CDH26: variants seen among roughly 807,000 people sequenced by gnomAD.
The protein encoded by CDH26 is cadherin 26, also known as cadherin-like protein 26.
A neutral mutation model predicts 90.3 loss-of-function variants in CDH26; 83 were observed. The observed-to-expected ratio is 0.92, with a 90% confidence interval of 0.77 to 1.10. The LOEUF (loss-of-function observed/expected upper bound fraction) is 1.10. Among genes scored for constraint, CDH26 ranks in the 50% least tolerant of loss-of-function variants. The pLI is 0.00. For missense variants in CDH26, 1,013 were observed against 1,037.6 expected, an observed-to-expected ratio of 0.98 and a Z score of 0.33; for synonymous variants, 397 against 396.3, an observed-to-expected ratio of 1.00 and a Z score of -0.02.
chr20:59,967,880 C>CTCTCTCTCTCTCTCTCT (rs1195650307), intron 1 of CDH26, among the ~76,000 whole-genome samples: 1 of 74,972 alleles, frequency 1.3e-5, no homozygotes, highest in African/African-American at 8.6e-5. Context: ...TTTCTTTCTT[C>CTCTCTCTCTCTCTCTCT]CTTCCTTCCT....
Position 59,984,781 on chromosome 20 carries a change from A to T in CDH26, c.684A>T (p.Arg228=). The T allele has an allele frequency of 6.2e-7, 1 of 1,610,888 alleles. No individual in the cohort carries two copies. Among genetic ancestry groups the T allele is most frequent in the South Asian group, 1.1e-5 (1 of 90,046 alleles). Residue 228 remains arginine, a synonymous_variant, in exon 6 of 18, where the codon CGA becomes CGT. Transcript: ENST00000348616. ...TTGATCGCCTTAGTGGAGAAATACG[A>T]CTCTCTGGCTGCTTAGATTATGAGG... ...FRVDRLSGEI[R]LSGCLDYETA...
chr20:59,983,046 A>G lies in CDH26; in HGVS notation c.517A>G (p.Thr173Ala). The stretch of plus-strand genomic sequence containing the variant: ...GTTTCCAGAGAAGGAATTTAACATC[A>G]CTGTGCAAGAAAACCAATCTGCAGG... ...PQFPEKEFNI[T>A]VQENQSAGQP... is the part of the protein sequence containing the mutation. Residue 173 changes from threonine (T) to alanine (A), a missense_variant, in exon 5 of 18, where the codon ACT (threonine) becomes GCT (alanine). Physicochemically the swap from Thr to Ala is moderately conservative, Grantham distance 58. Coordinates refer to ENST00000348616, the MANE Select transcript of CDH26 (RefSeq NM_177980.4). 6.2e-7 allele frequency: 1 copy of G among 1,614,030 alleles called. No homozygotes were observed. Among genetic ancestry groups the G allele is most frequent in the South Asian group, 1.1e-5 (1 of 91,054 alleles).
intron 10 of CDH26, among the ~76,000 whole-genome samples, chr20:59,993,466 T>A (rs1448539910): frequency 6.6e-6 from 1 of 152,200 alleles, no homozygotes; most frequent in East Asian, 1.9e-4. Context: ...ACTCATGCCT[T>A]TGTGTATCCA....
rs578030495 is a variant in CDH26 at position 59,984,762 on chromosome 20, G to A, written c.665G>A (p.Arg222His). ...AAAGAAAGTGGTTTCCGGGTTGATC[G>A]CCTTAGTGGAGAAATACGACTCTCT... ...LLKESGFRVDRLSGEIRLSGC... is the reference protein window; with the variant it reads ...LLKESGFRVDHLSGEIRLSGC... Residue 222 changes from arginine to histidine, a missense_variant, in exon 6 of 18, where the codon CGC (arginine) becomes CAC (histidine). Transcript: ENST00000348616. 18 of 1,613,170 alleles carry A rather than the reference G, an allele frequency of 1.1e-5. No individual in the cohort carries two copies. Among genetic ancestry groups the A allele is most frequent in the East Asian group, 6.7e-5 (3 of 44,868 alleles).
chr20:59,984,559 T>A, intron 5 of CDH26, 80 bp from the exon 6 acceptor site: 1 of 1,197,862 alleles, frequency 8.3e-7, no homozygotes, highest in South Asian at 1.4e-5. Context: ...CCCAATGCCA[T>A]TTAGCAAATA....
At chr20:59,967,842 T>TTTCG (rs2061174137) in intron 1 of CDH26, among the ~76,000 whole-genome samples, 2 of 96,808 alleles carry the variant, frequency 2.1e-5, no homozygotes, top group Admixed American at 2.1e-4. Context: ...TCTTTCTTTC[T>TTTCG]TTCTTTCTTT....
intron 4 of CDH26, among the ~76,000 whole-genome samples, chr20:59,982,217 T>C (rs2061402950): frequency 6.6e-6 from 1 of 152,224 alleles, no homozygotes; most frequent in African/African-American, 2.4e-5. Context: ...GAATCGCTTT[T>C]GGTTACATGC....
Position 59,974,795 on chromosome 20 carries a change from C to T in CDH26, c.393+2672C>T, listed in dbSNP as rs774052385. Among the ~76,000 whole-genome samples, 7 of 152,306 alleles carry T rather than the reference C, an allele frequency of 4.6e-5. 1 individual carries two copies. The South Asian group carries it at 1.5e-3, about 32-fold the overall frequency. ...TGAGGCATGCCCCAACCTTGCCTGT[C>T]ACTCTCCGTCTCATTACCCTGTTTT... On this transcript the variant is annotated intron_variant, in intron 4 of 17. Coordinates refer to ENST00000348616, the MANE Select transcript of CDH26 (RefSeq NM_177980.4).
intron 12 of CDH26, 78 bp from the exon 13 acceptor site, chr20:59,996,553 G>A: frequency 6.2e-7 from 1 of 1,614,180 alleles, no homozygotes. Flanking sequence ...AGTTATACAT[G>A]AACAGAACAA....
chr20:60,031,053 A>G (rs1369301107), intron 7 of CDH26, among the ~76,000 whole-genome samples: 6 of 152,326 alleles, frequency 3.9e-5, no homozygotes, highest in Non-Finnish European at 7.3e-5. Context: ...TGATATGCTA[A>G]ACAAGGGGTG....
At chr20:60,023,554 A>C (rs1472726537) in intron 7 of CDH26, among the ~76,000 whole-genome samples, 3 of 151,838 alleles carry the variant, frequency 2.0e-5, no homozygotes, top group African/African-American at 7.3e-5. Flanking sequence ...TGGCAGGAGA[A>C]ATTTATAATG....
In CDH26 at chr20:59,958,757, C is replaced by T. The variant is rs1382219430; in HGVS notation, c.31C>T (p.Leu11=). Residue 11 remains leucine, a synonymous_variant, in exon 1 of 18, where the codon CTG becomes TTG. Transcript: ENST00000348616. ...CATGAGATCCGGGAGGCACCCCTCG[C>T]TGCTGCTGCTTCTAGTGCTGCTGCT... MAMRSGRHPS[L]LLLLVLLLWL... The T allele has an allele frequency of 9.9e-6, 16 of 1,614,118 alleles. No homozygotes were observed. The highest frequency in any genetic ancestry group is 4.4e-5 in the South Asian group (4 of 91,084).
At chr20:60,032,720 T>C (rs1398650964) in intron 8 of CDH26, among the ~76,000 whole-genome samples, 4 of 151,618 alleles carry the variant, frequency 2.6e-5, no homozygotes, top group Non-Finnish European at 5.9e-5. Flanking sequence ...AAATTGGAAA[T>C]CATCATTCTC....
At chr20:60,024,983 G>A (rs994393899) in intron 7 of CDH26, among the ~76,000 whole-genome samples, 25 of 152,174 alleles carry the variant, frequency 1.6e-4, no homozygotes, top group Non-Finnish European at 1.3e-4. Context: ...CCCTCTCCCT[G>A]CAGGCTGGCT....
Position 59,958,631 on chromosome 20 carries a change from G to T in CDH26, c.-96G>T. The T allele has an allele frequency of 8.7e-7, 1 of 1,151,610 alleles. No individual in the cohort carries two copies. The highest frequency in any genetic ancestry group is 1.3e-6 in the Non-Finnish European group (1 of 770,374). 71.3% of individuals were successfully genotyped at this position (1,151,610 alleles called of 1,614,324 possible). A position where few individuals can be genotyped will look rare whatever the true frequency, so the allele number is the denominator to read the frequency against. ...CCTGAAAACCTTTAGAGAAGAAGCTGCTGGCTGAGAAGGAGGTGTGTGGCT... is the reference window on the plus strand; with the variant it reads ...CCTGAAAACCTTTAGAGAAGAAGCTTCTGGCTGAGAAGGAGGTGTGTGGCT... On this transcript the variant is annotated 5_prime_UTR_variant, in exon 1 of 18. Transcript: ENST00000348616.
At chr20:59,995,779 G>T (rs1400036421) in intron 11 of CDH26, 54 bp from the exon 12 acceptor site, 2 of 1,498,472 alleles carry the variant, frequency 1.3e-6, no homozygotes, top group African/African-American at 2.8e-5. Context: ...CGTGTGTTGA[G>T]CAGATGAGCA....
At position 59,958,475 on chromosome 20, in the gene CDH26, C is replaced by T. The variant is rs571183889; in HGVS notation, c.-252C>T. On this transcript the variant is annotated 5_prime_UTR_variant, in exon 1 of 18. Transcript: ENST00000348616. Reference sequence around the variant, plus strand: ...CATGGTGGCTTTAGTTTCTACCCCACCCTTCCTAGGAACTCTACTTGTGGC... The same window carrying T: ...CATGGTGGCTTTAGTTTCTACCCCATCCTTCCTAGGAACTCTACTTGTGGC... 3.2e-3 allele frequency: 1,517 copies of T among 479,746 alleles called. 13 individuals are homozygous for T. Among genetic ancestry groups the T allele is most frequent in the South Asian group, 0.014 (542 of 38,816 alleles). 29.7% of individuals were successfully genotyped at this position (479,746 alleles called of 1,614,324 possible).
At chr20:59,994,086 G>A in intron 10 of CDH26, 164 bp from the exon 11 acceptor site, 1 of 826,914 alleles carries the variant, frequency 1.2e-6, no homozygotes, top group South Asian at 1.9e-5. Context: ...GCTCATAAAA[G>A]CAGGAAAACA....
chr20:60,008,669 CTGGA>C (rs2061786562), intron 17 of CDH26, among the ~76,000 whole-genome samples: 1 of 152,204 alleles, frequency 6.6e-6, no homozygotes. Flanking sequence ...CAGACTGTGT[CTGGA>C]TGTAGAGTCA....
Sources: gnomAD v4.1 joint callset for allele counts (sites outside exome capture counted in the v4.1 genomes callset) on GRCh38, gnomAD v4.1.1 for gene constraint, MANE v1.5 for transcripts, NCBI Gene and HGNC (gene_info 2026-07-23, HGNC 2026-07-21) for gene names.